APBA1: variants seen among roughly 807,000 people sequenced by gnomAD.
APBA1 encodes amyloid beta precursor protein binding family A member 1.
In APBA1, 55 loss-of-function variants were observed where a neutral mutation model predicts 86.6. The observed-to-expected ratio is 0.64, with a 90% CI of 0.51 to 0.80. The LOEUF (loss-of-function observed/expected upper bound fraction) is 0.80, where lower values mean the gene tolerates loss of function less well. Among genes scored for constraint, APBA1 ranks in the 30% least tolerant of loss-of-function variants. The probability of loss-of-function intolerance (pLI) is 0.00; values close to 1 mark genes in which losing one functional copy is unlikely to be tolerated. For synonymous variants in APBA1, 511 were observed against 493.9 expected, an observed-to-expected ratio of 1.03 and a Z score of -0.46; for missense variants, 1,090 against 1,183.0, an observed-to-expected ratio of 0.92 and a Z score of 1.15.
intron 2 of APBA1, among the ~76,000 whole-genome samples, chr9:69,481,468 A>G (rs1835507208): frequency 6.6e-6 from 1 of 151,794 alleles, no homozygotes; most frequent in African/African-American, 2.4e-5. Context: ...AGGAAATAAA[A>G]GAGGATACAA....
chr9:69,434,566 G>A (rs1165643290), intron 11 of APBA1, among the ~76,000 whole-genome samples: 1 of 152,016 alleles, frequency 6.6e-6, no homozygotes, highest in African/African-American at 2.4e-5. Context: ...AATTAGCCGG[G>A]CGTGGTGGCA....
chr9:69,546,067 T>G (rs1251725514), intron 1 of APBA1, among the ~76,000 whole-genome samples: 1 of 152,222 alleles, frequency 6.6e-6, no homozygotes, highest in East Asian at 1.9e-4. Context: ...TTTAAAAAAT[T>G]AGGAATTCAG....
intron 1 of APBA1, among the ~76,000 whole-genome samples, chr9:69,610,121 C>T (rs1447515129): frequency 6.6e-6 from 1 of 152,112 alleles, no homozygotes; most frequent in African/African-American, 2.4e-5. Context: ...AGTTCAAGAT[C>T]AGCATGAGAA....
At chr9:69,503,085 A>G (rs900323175) in intron 2 of APBA1, among the ~76,000 whole-genome samples, 2 of 152,116 alleles carry the variant, frequency 1.3e-5, no homozygotes, top group Admixed American at 1.3e-4. Flanking sequence ...ATCTTACCAT[A>G]TAACATAGTT....
intron 1 of APBA1, among the ~76,000 whole-genome samples, chr9:69,546,534 T>C (rs1836700729): frequency 6.6e-6 from 1 of 152,200 alleles, no homozygotes; most frequent in South Asian, 2.1e-4. Context: ...CCATCCTCTT[T>C]TCTGAGAGGT....
chr9:69,428,792 G>C lies in APBA1; in HGVS notation c.*2535C>G, dbSNP rs1834534940. 1 of 152,152 alleles carries C rather than the reference G, an allele frequency of 6.6e-6. No individual in the cohort carries two copies. Among genetic ancestry groups the C allele is most frequent in the African/African-American group, 2.4e-5 (1 of 41,422 alleles). 9.4% of individuals were successfully genotyped at this position (152,152 alleles called of 1,614,324 possible). A position where few individuals can be genotyped will look rare whatever the true frequency, so the allele number is the denominator to read the frequency against. On this transcript the variant is annotated 3_prime_UTR_variant, in exon 13 of 13. Coordinates refer to ENST00000265381, the MANE Select transcript of APBA1 (RefSeq NM_001163.4). The stretch of plus-strand genomic sequence containing the variant: ...TCACTCCCTTGCCCCAGTGGTAGTG[G>C]GAAAAAGAACCCACTTCAGCTGGGT...
chr9:69,482,251 A>G (rs1488705328), intron 2 of APBA1, among the ~76,000 whole-genome samples: 2 of 145,238 alleles, frequency 1.4e-5, no homozygotes, highest in Non-Finnish European at 3.0e-5. Flanking sequence ...TTCAGAATCT[A>G]CAATGAACTC....
Position 69,502,490 on chromosome 9 carries a change from G to T in APBA1, c.1200+13521C>A, listed in dbSNP as rs189415051. Among the ~76,000 whole-genome samples the T allele has an allele frequency of 8.6e-5, 13 of 151,864 alleles. No individual in the cohort carries two copies. The East Asian group carries it at 2.3e-3, about 27-fold the overall frequency. On this transcript the variant is annotated intron_variant, in intron 2 of 12. Transcript: ENST00000265381. ...CAGGGTGAAGCCTTTTCATTTTAAAGGTGTACCAGTAAAATCATTAAATCT... is the reference window on the plus strand; with the variant it reads ...CAGGGTGAAGCCTTTTCATTTTAAATGTGTACCAGTAAAATCATTAAATCT...
At chr9:69,442,798 C>T (rs571082658) in intron 10 of APBA1, among the ~76,000 whole-genome samples, 10 of 152,272 alleles carry the variant, frequency 6.6e-5, no homozygotes, top group Admixed American at 3.3e-4. Context: ...TTTTTCAGTG[C>T]GAGGTCAGGA....
chr9:69,455,862 C>T (rs1187344530), intron 8 of APBA1, among the ~76,000 whole-genome samples: 1 of 152,154 alleles, frequency 6.6e-6, no homozygotes, highest in Admixed American at 6.5e-5. Context: ...TCAGGGCCTT[C>T]GCATTTGCTC....
chr9:69,504,521 A>G (rs1835924139), intron 2 of APBA1, among the ~76,000 whole-genome samples: 1 of 152,068 alleles, frequency 6.6e-6, no homozygotes, highest in Non-Finnish European at 1.5e-5. Flanking sequence ...AAGACCATGT[A>G]CTTATGATGC....
rs1459381467 is a variant in APBA1, at chr9:69,606,518, G to GTC, written c.-70+65633_-70+65634dup. 8.3e-3 allele frequency among the ~76,000 whole-genome samples: 963 copies of GTC among 116,028 alleles called. 14 individuals carry two copies. Among genetic ancestry groups the GTC allele is most frequent in the African/African-American group, 0.03 (907 of 30,696 alleles). The allele number at this position is 116,028 out of a possible 152,430, so 76.1% of individuals were successfully genotyped here. On this transcript the variant is annotated intron_variant, in intron 1 of 12. Transcript: ENST00000265381. ...TTTTTTTTTTTTTTTTTGAAATGGA[G>GTC]TCTCGCTCTGTCGCCCAGGCTGGAG...
At chr9:69,550,756 G>A (rs1836770673) in intron 1 of APBA1, among the ~76,000 whole-genome samples, 1 of 152,170 alleles carries the variant, frequency 6.6e-6, no homozygotes, top group Admixed American at 6.5e-5. Flanking sequence ...CAGGAGATGG[G>A]AGAGTGAGCA....
chr9:69,663,591 G>A (rs955184175), intron 1 of APBA1, among the ~76,000 whole-genome samples: 4 of 152,070 alleles, frequency 2.6e-5, no homozygotes, highest in South Asian at 2.1e-4. Flanking sequence ...AATTGATCTC[G>A]AGATACAAAA....
At chr9:69,511,406 TA>T (rs1473181649) in intron 2 of APBA1, among the ~76,000 whole-genome samples, 1 of 152,130 alleles carries the variant, frequency 6.6e-6, no homozygotes, top group Non-Finnish European at 1.5e-5. Context: ...TGGCAATCAC[TA>T]AAAAGTCAGG....
At chr9:69,573,994 G>T (rs1028284624) in intron 1 of APBA1, among the ~76,000 whole-genome samples, 1 of 152,082 alleles carries the variant, frequency 6.6e-6, no homozygotes, top group Non-Finnish European at 1.5e-5. Flanking sequence ...TAGGTAATAC[G>T]AAATTGGTGA....
chr9:69,631,169 T>A (rs1823033537), intron 1 of APBA1, among the ~76,000 whole-genome samples: 1 of 152,220 alleles, frequency 6.6e-6, no homozygotes, highest in Non-Finnish European at 1.5e-5. Context: ...ACCTTTTGGC[T>A]GATATCCAGA....
At chr9:69,485,709 T>C (rs1835598044) in intron 2 of APBA1, among the ~76,000 whole-genome samples, 1 of 152,064 alleles carries the variant, frequency 6.6e-6, no homozygotes, top group South Asian at 2.1e-4. Flanking sequence ...CAGTTCTACA[T>C]AATTACAAGG....
At chr9:69,469,586 C>G (rs1324808031) in intron 4 of APBA1, among the ~76,000 whole-genome samples, 2 of 152,184 alleles carry the variant, frequency 1.3e-5, no homozygotes, top group Non-Finnish European at 2.9e-5. Flanking sequence ...AATCTGCCTC[C>G]ACTCCACACC....
Sources: gnomAD v4.1 joint callset for allele counts (sites outside exome capture counted in the v4.1 genomes callset) on GRCh38, gnomAD v4.1.1 for gene constraint, MANE v1.5 for transcripts, NCBI Gene and HGNC (gene_info 2026-07-23, HGNC 2026-07-21) for gene names.